ATP10D: variants seen among roughly 807,000 people sequenced by gnomAD.
ATP10D encodes the protein ATPase phospholipid transporting 10D (putative).
In ATP10D, 89 loss-of-function variants were observed where a neutral mutation model predicts 144.8. That is an observed-to-expected ratio of 0.61 (90% CI 0.52 to 0.73). The LOEUF is 0.73. Ranked by LOEUF, ATP10D falls within the 30% of genes least tolerant of loss-of-function variation. ATP10D has a pLI of 0.00. For synonymous variants in ATP10D, 571 were observed against 615.1 expected (o/e 0.93, Z 1.06); for missense variants, 1,603 against 1,714.8 (o/e 0.93, Z 1.15).
intron 18 of ATP10D, 147 bp from the exon 19 acceptor site, chr4:47,576,626 G>A: frequency 2.8e-6 from 2 of 721,254 alleles, no homozygotes; most frequent in Non-Finnish European, 4.8e-6. Context: ...ACCAAAAAAA[G>A]CTGCAAGGTA....
intron 9 of ATP10D, among the ~76,000 whole-genome samples, chr4:47,538,908 C>T (rs568576239): frequency 6.6e-6 from 1 of 152,298 alleles, no homozygotes; most frequent in African/African-American, 2.4e-5. Flanking sequence ...AAGGACTAAC[C>T]TAATGAGATC....
chr4:47,536,011 A>C lies in ATP10D; in HGVS notation c.993A>C (p.Ile331=), dbSNP rs780125066. 2 of 1,612,332 alleles carry C rather than the reference A, an allele frequency of 1.2e-6. No individual in the cohort carries two copies. Among genetic ancestry groups the C allele is most frequent in the Non-Finnish European group, 1.7e-6 (2 of 1,179,038 alleles). ...DVLWCVMLLV[I]MCLTGAVGHG... The stretch of plus-strand genomic sequence containing the variant: ...TCTGGTGTGTCATGCTTCTGGTCAT[A>C]ATGTGCTTAACTGGCGCAGTAGGTA... The change falls in exon 7 of 23, where the codon ATA becomes ATC. Residue 331 remains isoleucine, a synonymous_variant. Transcript: ENST00000273859.
chr4:47,523,121 A>G lies in ATP10D; in HGVS notation c.595A>G (p.Thr199Ala). Reference sequence around the variant, plus strand: ...TGCAGACATGGTACTACTCTTTTCCACTGATCCAGATGGAATCTGTCACAT... The same window carrying G: ...TGCAGACATGGTACTACTCTTTTCCGCTGATCCAGATGGAATCTGTCACAT... ...IPADMVLLFS[T>A]DPDGICHIET... is the part of the protein sequence containing the mutation. The change falls in exon 4 of 23, where the codon ACT becomes GCT. Residue 199 changes from threonine (T) to alanine (A), a missense_variant. Transcript: ENST00000273859. 1 of 1,614,074 alleles carries G rather than the reference A, an allele frequency of 6.2e-7. No individual in the cohort carries two copies. The highest frequency in any genetic ancestry group is 2.2e-5 in the East Asian group (1 of 44,868).
chr4:47,499,613 A>G (rs920845086), intron 1 of ATP10D, among the ~76,000 whole-genome samples: 1 of 152,186 alleles, frequency 6.6e-6, no homozygotes, highest in Non-Finnish European at 1.5e-5. Context: ...ACTATAAAGA[A>G]TACGCTTGTG....
chr4:47,580,320 T>C, intron 19 of ATP10D, 78 bp from the exon 20 acceptor site: 1 of 1,127,200 alleles, frequency 8.9e-7, no homozygotes, highest in Non-Finnish European at 1.3e-6. Flanking sequence ...GAAACAAATG[T>C]AAGTACTGGC....
At chr4:47,551,797 T>C (rs1718743694) in intron 10 of ATP10D, among the ~76,000 whole-genome samples, 1 of 152,180 alleles carries the variant, frequency 6.6e-6, no homozygotes, top group South Asian at 2.1e-4. Flanking sequence ...CAAAAGCTAA[T>C]AATGTAATCC....
rs760054397 is a variant in ATP10D, at chr4:47,559,006, C to T, written c.2518C>T (p.Arg840Cys). The change falls in exon 13 of 23, where the codon CGT becomes TGT. Residue 840 changes from arginine to cysteine, a missense_variant. Coordinates refer to ENST00000273859, the MANE Select transcript of ATP10D (RefSeq NM_020453.4). ...HLDDYAKQGL[R>C]TLCIAKKVMS... Reference sequence around the variant, plus strand: ...GGATGACTATGCCAAACAAGGCCTTCGTACTTTATGTATAGCAAAGAAGGT... The same window carrying T: ...GGATGACTATGCCAAACAAGGCCTTTGTACTTTATGTATAGCAAAGAAGGT... The T allele has an allele frequency of 2.5e-6, 4 of 1,613,998 alleles. No individual in the cohort carries two copies. The highest frequency in any genetic ancestry group is 1.1e-5 in the South Asian group (1 of 91,068).
chr4:47,510,227 AG>A (rs1323505981), intron 1 of ATP10D, among the ~76,000 whole-genome samples: 1 of 152,070 alleles, frequency 6.6e-6, no homozygotes, highest in Non-Finnish European at 1.5e-5. Flanking sequence ...CTCTGATCCA[AG>A]GGTCACTTTT....
At chr4:47,573,405 T>G (rs1720065759) in intron 18 of ATP10D, among the ~76,000 whole-genome samples, 1 of 152,246 alleles carries the variant, frequency 6.6e-6, no homozygotes, top group South Asian at 2.1e-4. Context: ...TAATGCCCCA[T>G]GTGTTATAAT....
intron 9 of ATP10D, among the ~76,000 whole-genome samples, chr4:47,539,094 T>C (rs1718000064): frequency 6.6e-6 from 1 of 152,168 alleles, no homozygotes; most frequent in Non-Finnish European, 1.5e-5. Context: ...CCTACCACAG[T>C]CTCTAAACTG....
At chr4:47,507,912 G>T (rs1294551704) in intron 1 of ATP10D, among the ~76,000 whole-genome samples, 1 of 152,188 alleles carries the variant, frequency 6.6e-6, no homozygotes, top group East Asian at 1.9e-4. Flanking sequence ...GGGTGATATG[G>T]TTAACCAGCC....
intron 19 of ATP10D, among the ~76,000 whole-genome samples, chr4:47,579,982 A>C (rs2109473097): frequency 6.6e-6 from 1 of 152,304 alleles, no homozygotes; most frequent in Admixed American, 6.5e-5. Context: ...GGAAGCAAAG[A>C]GGGCAGTTAG....
chr4:47,591,221 G>A lies in ATP10D; in HGVS notation c.4121G>A (p.Arg1374Lys), dbSNP rs1190735648. Residue 1374 changes from arginine to lysine, a missense_variant, in exon 23 of 23, where the codon AGA becomes AAA. Arg to Lys is a conservative substitution (Grantham distance 26). Coordinates refer to ENST00000273859, the MANE Select transcript of ATP10D (RefSeq NM_020453.4). The part of the protein sequence containing the change: ...ANQSAGKSGR[R>K]PMPGPSAVFA... ...CAATCAGCTGGCAAGTCAGGAAGAA[G>A]ACCCATGCCTGGCCCTTCTGCTGTA... 1 of 1,613,586 alleles carries A rather than the reference G, an allele frequency of 6.2e-7. No individual in the cohort carries two copies. The highest frequency in any genetic ancestry group is 8.5e-7 in the Non-Finnish European group (1 of 1,179,612).
intron 1 of ATP10D, among the ~76,000 whole-genome samples, chr4:47,502,245 C>A (rs953512515): frequency 1.3e-5 from 2 of 152,082 alleles, no homozygotes. Flanking sequence ...GAGGCCGAGG[C>A]GGGCGGATCA....
intron 21 of ATP10D, among the ~76,000 whole-genome samples, chr4:47,585,136 C>T (rs1012155922): frequency 9.2e-5 from 14 of 152,140 alleles, no homozygotes; most frequent in African/African-American, 3.1e-4. Context: ...AAAGAGGTAT[C>T]TCATTTGATG....
intron 19 of ATP10D, among the ~76,000 whole-genome samples, chr4:47,579,928 A>C (rs1720424857): frequency 6.6e-6 from 1 of 152,258 alleles, no homozygotes; most frequent in Non-Finnish European, 1.5e-5. Flanking sequence ...AATGGGTTTA[A>C]AACCATCTGG....
At chr4:47,522,218 A>T (rs1716979789) in intron 3 of ATP10D, among the ~76,000 whole-genome samples, 2 of 152,142 alleles carry the variant, frequency 1.3e-5, no homozygotes, top group African/African-American at 4.8e-5. Context: ...ATGACATTCT[A>T]CTATACAAAC....
chr4:47,525,733 C>G, intron 5 of ATP10D, 91 bp downstream of exon 5: 1 of 1,095,434 alleles, frequency 9.1e-7, no homozygotes, highest in African/African-American at 1.6e-5. Context: ...GTGCTTATAC[C>G]CTTGTTAAAT....
chr4:47,493,516 T>C (rs758619455), intron 1 of ATP10D, among the ~76,000 whole-genome samples: 1 of 152,236 alleles, frequency 6.6e-6, no homozygotes, highest in Non-Finnish European at 1.5e-5. Flanking sequence ...TCTGAGCACA[T>C]TTAAAGTAAG....
Sources: allele counts gnomAD v4.1 joint callset (sites outside exome capture counted in the v4.1 genomes callset), GRCh38; gene constraint gnomAD v4.1.1; transcripts MANE v1.5; gene names NCBI Gene and HGNC (gene_info 2026-07-23, HGNC 2026-07-21).